DTHD1: variants seen among roughly 807,000 people sequenced by gnomAD.
DTHD1 encodes the protein death domain-containing protein 1.
Under a neutral mutation model 74.8 loss-of-function variants are expected in DTHD1, and 59 were observed. The ratio of observed to expected loss-of-function variants is 0.79; its 90% CI spans 0.64 to 0.98. The LOEUF (loss-of-function observed/expected upper bound fraction) is 0.98, where lower values mean the gene tolerates loss of function less well. DTHD1 is among the 50% of genes least tolerant of loss of function. DTHD1 has a pLI of 0.00. For missense variants in DTHD1, 1,051 were observed against 1,065.4 expected (o/e 0.99, Z 0.19); for synonymous variants, 365 against 371.1 (o/e 0.98, Z 0.19).
Position 36,295,044 on chromosome 4 carries a change from G to T in DTHD1, c.1643+5G>T. 6.6e-7 allele frequency: 1 copy of T among 1,525,810 alleles called. No individual in the cohort carries two copies. Among genetic ancestry groups the T allele is most frequent in the Non-Finnish European group, 8.8e-7 (1 of 1,130,112 alleles). The allele number at this position is 1,525,810 out of a possible 1,614,324, so 94.5% of individuals were successfully genotyped here. The stretch of plus-strand genomic sequence containing the variant: ...TACACCTTCGTATTTCAACCGGTGA[G>T]TAAGTTTCTAATATTGTAAACTGGC... On this transcript the variant is annotated splice_donor_5th_base_variant and intron_variant, in intron 5 of 9. Transcript: ENST00000639862.
intron 3 of DTHD1, among the ~76,000 whole-genome samples, chr4:36,291,957 G>A (rs924094207): frequency 8.5e-5 from 13 of 152,160 alleles, no homozygotes; most frequent in African/African-American, 2.4e-4. Context: ...GTAAGTTGTC[G>A]TTTGATGAGA....
intron 9 of DTHD1, among the ~76,000 whole-genome samples, chr4:36,340,813 G>T (rs1441282008): frequency 6.6e-6 from 1 of 152,070 alleles, no homozygotes; most frequent in African/African-American, 2.4e-5. Flanking sequence ...TCATTGAGGG[G>T]TGAGGACAGA....
chr4:36,289,753 A>C (rs1755942166), intron 2 of DTHD1, among the ~76,000 whole-genome samples: 1 of 152,172 alleles, frequency 6.6e-6, no homozygotes. Flanking sequence ...TGGTTAAAAA[A>C]GAGTAAAATG....
intron 7 of DTHD1, among the ~76,000 whole-genome samples, chr4:36,312,459 C>G (rs61796605): frequency 0.11 from 16,089 of 151,608 alleles, 941 homozygotes; most frequent in Non-Finnish European, 0.11. Context: ...AAATAAAATG[C>G]ATAGCTTAAT....
intron 8 of DTHD1, 56 bp from the exon 9 acceptor site, chr4:36,339,056 C>A: frequency 7.1e-7 from 1 of 1,411,994 alleles, no homozygotes; most frequent in Non-Finnish European, 9.7e-7. Flanking sequence ...TTCGTTGTAG[C>A]TTATTCACAA....
intron 7 of DTHD1, 86 bp downstream of exon 7, chr4:36,308,579 G>C (rs1757197760): frequency 6.2e-6 from 7 of 1,124,592 alleles, no homozygotes; most frequent in Admixed American, 2.8e-5. Flanking sequence ...GTGTTACTAA[G>C]GAAACCTTCA....
At chr4:36,328,235 T>G (rs560934162) in intron 8 of DTHD1, among the ~76,000 whole-genome samples, 1 of 152,374 alleles carries the variant, frequency 6.6e-6, no homozygotes, top group South Asian at 2.1e-4. Flanking sequence ...CTTCTTGCTC[T>G]AAACTCTGTT....
At chr4:36,340,397 T>C (rs908845203) in intron 9 of DTHD1, among the ~76,000 whole-genome samples, 9 of 152,096 alleles carry the variant, frequency 5.9e-5, no homozygotes, top group African/African-American at 1.9e-4. Context: ...AGGTAGGACA[T>C]GGTTAAGATT....
At chr4:36,314,104 G>T (rs1757558030) in intron 7 of DTHD1, among the ~76,000 whole-genome samples, 1 of 140,240 alleles carries the variant, frequency 7.1e-6, no homozygotes, top group Non-Finnish European at 1.5e-5. Context: ...AAGTAGCCAG[G>T]TTGCCTCTCA....
intron 2 of DTHD1, among the ~76,000 whole-genome samples, chr4:36,286,802 C>A (rs2109443649): frequency 6.6e-6 from 1 of 152,186 alleles, no homozygotes; most frequent in South Asian, 2.1e-4. Flanking sequence ...AGCTAAAACA[C>A]AATGCTAAGT....
At chr4:36,314,843 C>G (rs1210644239) in intron 7 of DTHD1, among the ~76,000 whole-genome samples, 1 of 144,828 alleles carries the variant, frequency 6.9e-6, no homozygotes, top group Non-Finnish European at 1.5e-5. Flanking sequence ...TTACTGAGCA[C>G]TTACTGTGTG....
At chr4:36,315,009 A>G (rs1290671389) in intron 7 of DTHD1, among the ~76,000 whole-genome samples, 1 of 152,232 alleles carries the variant, frequency 6.6e-6, no homozygotes, top group Non-Finnish European at 1.5e-5. Context: ...ATGGACAAGT[A>G]TTAACAGATA....
At chr4:36,314,879 C>T (rs977349510) in intron 7 of DTHD1, among the ~76,000 whole-genome samples, 4 of 148,930 alleles carry the variant, frequency 2.7e-5, no homozygotes, top group African/African-American at 9.9e-5. Context: ...ATTATTTTAT[C>T]CAAATTTTCT....
chr4:36,284,668 T>C, intron 2 of DTHD1, 77 bp downstream of exon 2: 1 of 1,118,934 alleles, frequency 8.9e-7, no homozygotes. Context: ...CATGTCTTAG[T>C]TCATTCAGGC....
At chr4:36,302,136 T>C (rs1186785627) in intron 5 of DTHD1, among the ~76,000 whole-genome samples, 1 of 152,134 alleles carries the variant, frequency 6.6e-6, no homozygotes, top group East Asian at 1.9e-4. Flanking sequence ...AGTTTTCTTG[T>C]TTTTCCTCAC....
rs191949303 is a variant in DTHD1 at position 36,290,715 on chromosome 4, C to A, written c.1218+12C>A. ...AGGGAGGTTATAAGGTTAGTAAATT[C>A]TTGGCTATATCTACATTTGCTGTTT... On this transcript the variant is annotated intron_variant, in intron 3 of 9. Coordinates refer to ENST00000639862, the MANE Select transcript of DTHD1 (RefSeq NM_001170700.3). 36 of 1,523,284 alleles carry A rather than the reference C, an allele frequency of 2.4e-5. No homozygotes were observed. In the East Asian group the frequency reaches 7.4e-4, roughly 31 times the overall value. 94.4% of individuals were successfully genotyped at this position (1,523,284 alleles called of 1,614,324 possible).
intron 9 of DTHD1, among the ~76,000 whole-genome samples, chr4:36,340,368 A>C (rs1368164871): frequency 6.6e-6 from 1 of 152,242 alleles, no homozygotes; most frequent in East Asian, 1.9e-4. Context: ...TGGTTCCTGC[A>C]ATAGTCAAGG....
chr4:36,337,962 T>G (rs1254240222), intron 8 of DTHD1, among the ~76,000 whole-genome samples: 1 of 152,244 alleles, frequency 6.6e-6, no homozygotes, highest in Non-Finnish European at 1.5e-5. Context: ...TAGTGGTTGC[T>G]TTTTAGATAA....
At chr4:36,288,882 A>G (rs1408433384) in intron 2 of DTHD1, among the ~76,000 whole-genome samples, 8 of 152,166 alleles carry the variant, frequency 5.3e-5, no homozygotes, top group Admixed American at 5.2e-4. Context: ...ACGCTGGGTC[A>G]CTGTATCCTC....
Sources: gnomAD v4.1 joint callset for allele counts (sites outside exome capture counted in the v4.1 genomes callset) on GRCh38, gnomAD v4.1.1 for gene constraint, MANE v1.5 for transcripts, NCBI Gene and HGNC (gene_info 2026-07-23, HGNC 2026-07-21) for gene names.